Variants in USF3 observed in about 807,000 individuals in gnomAD.
USF3 encodes basic helix-loop-helix domain-containing protein USF3.
Under a neutral mutation model 157.5 loss-of-function variants are expected in USF3, and 29 were observed. The ratio of observed to expected loss-of-function variants is 0.18; its 90% CI spans 0.14 to 0.25. The LOEUF is 0.25. Ranked by LOEUF, USF3 falls within the 10% of genes least tolerant of loss-of-function variation. USF3 has a pLI of 1.00. For synonymous variants in USF3, 893 were observed against 941.4 expected, an observed-to-expected ratio of 0.95 and a Z score of 0.94; for missense variants, 2,381 against 2,667.6, an observed-to-expected ratio of 0.89 and a Z score of 2.37.
At chr3:113,691,207 T>C (rs1196220267) in intron 1 of USF3, among the ~76,000 whole-genome samples, 1 of 151,990 alleles carries the variant, frequency 6.6e-6, no homozygotes, top group African/African-American at 2.4e-5. Flanking sequence ...TAAAAATAAA[T>C]CCTTATTCAA....
chr3:113,691,300 C>A (rs1400330586), intron 1 of USF3, among the ~76,000 whole-genome samples: 1 of 152,212 alleles, frequency 6.6e-6, no homozygotes. Flanking sequence ...CTCCCAACCA[C>A]CAGTCTTCTT....
chr3:113,652,978 G>GA lies in USF3; in HGVS notation c.*1965dup. 9.2e-7 allele frequency: 1 copy of GA among 1,085,270 alleles called. No homozygotes were observed. Among genetic ancestry groups the GA allele is most frequent in the Non-Finnish European group, 1.3e-6 (1 of 780,450 alleles). The allele number at this position is 1,085,270 out of a possible 1,614,324, so 67.2% of individuals were successfully genotyped here. A position where few individuals can be genotyped will look rare whatever the true frequency, so the allele number is the denominator to read the frequency against. On this transcript the variant is annotated 3_prime_UTR_variant, in exon 7 of 7. Transcript: ENST00000316407. ...AATATCTCCTGAGGAAGAGGAACTT[G>GA]AAAAAGGAATATTCAAGGTGCTGTT...
At chr3:113,662,169 T>C (rs572109453) in intron 6 of USF3, among the ~76,000 whole-genome samples, 1 of 152,246 alleles carries the variant, frequency 6.6e-6, no homozygotes, top group Non-Finnish European at 1.5e-5. Context: ...TATAAATCAA[T>C]TTAGTTTCTA....
intron 1 of USF3, among the ~76,000 whole-genome samples, chr3:113,692,467 T>A (rs951206867): frequency 1.3e-5 from 2 of 152,168 alleles, no homozygotes; most frequent in Non-Finnish European, 2.9e-5. Context: ...AGTAACTGAG[T>A]AATAAATGTC....
rs766266350 is a variant in USF3, at chr3:113,657,473, T to C, written c.4209A>G (p.Pro1403=). The C allele has an allele frequency of 2.5e-6, 4 of 1,614,010 alleles. No individual in the cohort carries two copies. The highest frequency in any genetic ancestry group is 1.1e-5 in the South Asian group (1 of 91,074). ...AHGDGLTRLF[P]PSNNFVTPAL... ...CAGGAGTCACAAAGTTGTTACTAGG[T>C]GGAAATAATCGTGTAAGGCCATCTC... Residue 1403 remains proline (P), a synonymous_variant, in exon 7 of 7, where the codon CCA becomes CCG. Coordinates refer to ENST00000316407, the MANE Select transcript of USF3 (RefSeq NM_001009899.4).
At position 113,653,865 on chromosome 3, in the gene USF3, A is replaced by G. The variant is rs900643752; in HGVS notation, c.*1079T>C. 6.6e-6 allele frequency: 1 copy of G among 152,324 alleles called. No homozygotes were observed. Among genetic ancestry groups the G allele is most frequent in the Non-Finnish European group, 1.5e-5 (1 of 68,032 alleles). The allele number at this position is 152,324 out of a possible 1,614,324, so 9.4% of individuals were successfully genotyped here. A position where few individuals can be genotyped will look rare whatever the true frequency, so the allele number is the denominator to read the frequency against. ...TATTCTCATTATAATTCTGTTATGA[A>G]GGATAATAATGAAATATACAATGCC... On this transcript the variant is annotated 3_prime_UTR_variant, in exon 7 of 7. Coordinates refer to ENST00000316407, the MANE Select transcript of USF3 (RefSeq NM_001009899.4).
At position 113,659,894 on chromosome 3, in the gene USF3, A is replaced by G. The variant is rs1241115688; in HGVS notation, c.1788T>C (p.Ala596=). The G allele has an allele frequency of 5.6e-6, 9 of 1,614,104 alleles. No homozygotes were observed. The highest frequency in any genetic ancestry group is 6.8e-6 in the Non-Finnish European group (8 of 1,180,044). Residue 596 remains alanine (A), a synonymous_variant, in exon 7 of 7, where the codon GCT becomes GCC. Transcript: ENST00000316407. ...GGAGTCGAACAGAACCAGGAGGTGG[A>G]GCAGGGAGGAGTGGCAAAGGATTCT... The part of the protein sequence containing the change: ...ANQNPLPLLP[A]PPPGSVRLPI...
intron 1 of USF3, among the ~76,000 whole-genome samples, chr3:113,685,110 G>A (rs1365152593): frequency 6.6e-6 from 1 of 152,214 alleles, no homozygotes; most frequent in African/African-American, 2.4e-5. Flanking sequence ...GTCTTTTGCA[G>A]AGGTACCACT....
Position 113,651,142 on chromosome 3 carries a change from G to C in USF3, c.*3802C>G, listed in dbSNP as rs1320480628. On this transcript the variant is annotated 3_prime_UTR_variant, in exon 7 of 7. Coordinates refer to ENST00000316407, the MANE Select transcript of USF3 (RefSeq NM_001009899.4). Reference sequence around the variant, plus strand: ...AGAAGTTATTGTTAAATGTTGAAAGGAATCAACCACTTTTTATAACGGACT... The same window carrying C: ...AGAAGTTATTGTTAAATGTTGAAAGCAATCAACCACTTTTTATAACGGACT... 1 of 152,068 alleles carries C rather than the reference G, an allele frequency of 6.6e-6. No individual in the cohort carries two copies. The highest frequency in any genetic ancestry group is 1.9e-4 in the East Asian group (1 of 5,196). 9.4% of individuals were successfully genotyped at this position (152,068 alleles called of 1,614,324 possible).
chr3:113,688,117 ACTTT>A (rs1707598254), intron 1 of USF3, among the ~76,000 whole-genome samples: 1 of 146,842 alleles, frequency 6.8e-6, no homozygotes, highest in Non-Finnish European at 1.5e-5. Flanking sequence ...GAAGGCCCCC[ACTTT>A]CTTTTTTTTT....
At position 113,660,936 on chromosome 3, in the gene USF3, A is replaced by C. The variant is rs923105705; in HGVS notation, c.746T>G (p.Leu249Arg). The change falls in exon 7 of 7, where the codon CTT (leucine) becomes CGT (arginine). Residue 249 changes from leucine to arginine, a missense_variant. Coordinates refer to ENST00000316407, the MANE Select transcript of USF3 (RefSeq NM_001009899.4). Reference protein sequence around the residue: ...LPTSESESNVLGATSGSLIAV... With the variant: ...LPTSESESNVRGATSGSLIAV... Reference sequence around the variant, plus strand: ...AATCAGTGAGCCACTAGTGGCACCAAGCACATTTGATTCGCTTTCAGAGGT... The same window carrying C: ...AATCAGTGAGCCACTAGTGGCACCACGCACATTTGATTCGCTTTCAGAGGT... The C allele has an allele frequency of 7.2e-5, 117 of 1,614,118 alleles. No individual in the cohort carries two copies. The highest frequency in any genetic ancestry group is 9.7e-5 in the Non-Finnish European group (115 of 1,180,046).
At position 113,655,608 on chromosome 3, in the gene USF3, C is replaced by G. The variant is rs868750493; in HGVS notation, c.6074G>C (p.Gly2025Ala). 6.2e-7 allele frequency: 1 copy of G among 1,614,090 alleles called. No homozygotes were observed. Among genetic ancestry groups the G allele is most frequent in the Middle Eastern group, 1.6e-4 (1 of 6,062 alleles). ...CTTCTCTGTGGCAGGTTGTTGACGT[C>G]CAAGAATCATACTGCCACCAGTAGA... ...PLSTGGSMILGRQQPATEKRG... is the reference protein window; with the variant it reads ...PLSTGGSMILARQQPATEKRG... Residue 2025 changes from glycine (G) to alanine (A), a missense_variant, in exon 7 of 7, where the codon GGA (glycine) becomes GCA (alanine). This residue lies in a region of USF3 where 770 missense variants were observed against 824.2 expected (regional missense o/e 0.93). Transcript: ENST00000316407.
intron 1 of USF3, among the ~76,000 whole-genome samples, chr3:113,694,241 T>G (rs537133060): frequency 6.6e-6 from 1 of 152,366 alleles, no homozygotes; most frequent in South Asian, 2.1e-4. Context: ...AAACTTGAGC[T>G]GATTACCTGT....
chr3:113,689,206 AC>A (rs1577054947), intron 1 of USF3, among the ~76,000 whole-genome samples: 2 of 152,124 alleles, frequency 1.3e-5, no homozygotes, highest in African/African-American at 2.4e-5. Flanking sequence ...TGAAATAAGT[AC>A]CCTTTAGAGT....
At chr3:113,684,235 T>G (rs1258277465) in intron 1 of USF3, among the ~76,000 whole-genome samples, 3 of 152,208 alleles carry the variant, frequency 2.0e-5, no homozygotes, top group Non-Finnish European at 4.4e-5. Context: ...ATATTGGAAA[T>G]GCTTTATATC....
chr3:113,672,780 C>T (rs564827129), intron 4 of USF3, among the ~76,000 whole-genome samples: 106 of 152,228 alleles, frequency 7.0e-4, no homozygotes, highest in South Asian at 1.7e-3. Flanking sequence ...AGGAAGGTAT[C>T]GTTTATAGAT....
Position 113,650,581 on chromosome 3 carries a change from C to G in USF3, c.*4363G>C, listed in dbSNP as rs1947245233. On this transcript the variant is annotated 3_prime_UTR_variant, in exon 7 of 7. Coordinates refer to ENST00000316407, the MANE Select transcript of USF3 (RefSeq NM_001009899.4). ...AGATGCATATTCATAAGATTTTACC[C>G]TTTCTCAAAATTTTTTAATTTTACT... 1 of 152,156 alleles carries G rather than the reference C, an allele frequency of 6.6e-6. No individual in the cohort carries two copies. The highest frequency in any genetic ancestry group is 1.5e-5 in the Non-Finnish European group (1 of 68,034). 9.4% of individuals were successfully genotyped at this position (152,156 alleles called of 1,614,324 possible). A position where few individuals can be genotyped will look rare whatever the true frequency, so the allele number is the denominator to read the frequency against.
chr3:113,675,115 T>C (rs1273040333), intron 2 of USF3, among the ~76,000 whole-genome samples: 1 of 152,154 alleles, frequency 6.6e-6, no homozygotes, highest in African/African-American at 2.4e-5. Context: ...AAATGTGAGG[T>C]ATAGCCAGAA....
chr3:113,664,477 A>T (rs1947533748), intron 5 of USF3, 68 bp from the exon 6 acceptor site: 1 of 801,906 alleles, frequency 1.2e-6, no homozygotes, highest in Non-Finnish European at 2.0e-6. Context: ...ATGAAACTTT[A>T]AGCTTTGTCT....
Sources: allele counts gnomAD v4.1 joint callset (sites outside exome capture counted in the v4.1 genomes callset), GRCh38; gene constraint gnomAD v4.1.1; regional missense constraint gnomAD v4.1.1; transcripts MANE v1.5; gene names NCBI Gene and HGNC (gene_info 2026-07-23, HGNC 2026-07-21).